The following ITIH2 variants were observed in gnomAD, a reference collection of about 807,000 sequenced individuals.
The protein encoded by ITIH2 is inter-alpha-trypsin inhibitor heavy chain H2.
ITIH2 carries 103 observed loss-of-function variants against 104.4 expected under a neutral mutation model. The ratio of observed to expected loss-of-function variants is 0.99; its 90% CI spans 0.84 to 1.16. ITIH2 has a LOEUF of 1.16. Among genes scored for constraint, ITIH2 ranks in the 50% most tolerant of loss-of-function variants. The pLI, the probability that ITIH2 is intolerant of heterozygous loss-of-function variation, is 0.00. For synonymous variants in ITIH2, 436 were observed against 435.4 expected (o/e 1.00, Z -0.02); for missense variants, 1,108 against 1,162.4 (o/e 0.95, Z 0.68).
In ITIH2 at chr10:7,744,260, G is replaced by T. The variant is rs143725175; in HGVS notation, c.2388G>T (p.Thr796=). ...SSTFSLSWSD[T]AQVTNQRVQI... is the part of the protein sequence containing the mutation. ...CATTCTCCTTGTCCTGGTCCGACAC[G>T]GCTCAAGTCACGAATCAGAGGCAAG... is the stretch of plus-strand genomic sequence containing the variant. The change falls in exon 18 of 21, where the codon ACG becomes ACT. Residue 796 remains threonine (T), a synonymous_variant. Coordinates refer to ENST00000358415, the MANE Select transcript of ITIH2 (RefSeq NM_002216.3). 3.6e-5 allele frequency: 58 copies of T among 1,613,722 alleles called. No homozygotes were observed. The highest frequency in any genetic ancestry group is 4.7e-5 in the Non-Finnish European group (56 of 1,179,868).
At chr10:7,738,373 G>A (rs559091000) in intron 15 of ITIH2, among the ~76,000 whole-genome samples, 20 of 146,264 alleles carry the variant, frequency 1.4e-4, no homozygotes, top group African/African-American at 4.8e-4. Flanking sequence ...GCCCTTCCCC[G>A]GCCCTATAAA....
chr10:7,724,634 T>C (rs1834936165), intron 9 of ITIH2, among the ~76,000 whole-genome samples: 1 of 146,366 alleles, frequency 6.8e-6, no homozygotes, highest in African/African-American at 2.5e-5. Context: ...GAAGACCCTG[T>C]CTTTCACAGA....
Position 7,749,301 on chromosome 10 carries a change from GC to G in ITIH2, c.2810del (p.Pro937LeufsTer14). On this transcript the variant is annotated frameshift_variant, in exon 21 of 21. Coordinates refer to ENST00000358415, the MANE Select transcript of ITIH2 (RefSeq NM_002216.3). LOFTEE classifies it high-confidence loss of function. ...ACGGGCATTACAAGGATTACTTCGT[GC>G]CTCAGCTCTACAGCTTTCTCAAACG... The part of the protein sequence containing the change: ...IDGHYKDYFV[P>X]QLYSFLKRP 6.2e-7 allele frequency: 1 copy of G among 1,614,150 alleles called. No homozygotes were observed.
chr10:7,735,056 C>T lies in ITIH2; in HGVS notation c.1922C>T (p.Ala641Val), dbSNP rs763144535. 5 of 1,611,870 alleles carry T rather than the reference C, an allele frequency of 3.1e-6. No homozygotes were observed. The highest frequency in any genetic ancestry group is 1.3e-5 in the African/African-American group (1 of 74,954). The change falls in exon 15 of 21, where the codon GCG becomes GTG. Residue 641 changes from alanine to valine, a missense_variant. Coordinates refer to ENST00000358415, the MANE Select transcript of ITIH2 (RefSeq NM_002216.3). ...ENEAGDERML[A>V]DAPPQDPSCC... ...GAGGCTGGGGATGAGCGCATGCTGG[C>T]GGATGCCCCACCGCAGGATCCCTCC...
intron 2 of ITIH2, among the ~76,000 whole-genome samples, chr10:7,706,685 A>G (rs1218687670): frequency 6.6e-6 from 1 of 152,214 alleles, no homozygotes. Context: ...TAGTAAAGGA[A>G]ACCGACCTAG....
At position 7,709,021 on chromosome 10, in the gene ITIH2, G is replaced by A. The variant is rs778311484; in HGVS notation, c.193-1G>A. 10 of 1,613,294 alleles carry A rather than the reference G, an allele frequency of 6.2e-6. No individual in the cohort carries two copies. The highest frequency in any genetic ancestry group is 5.5e-5 in the South Asian group (5 of 91,038). ...CAGTTATGCTTTCTTGCCAATTTCA[G>A]GAAGAGGTTGATCAAGTAACTCTTT... On this transcript the variant is annotated splice_acceptor_variant, in intron 3 of 20. Coordinates refer to ENST00000358415, the MANE Select transcript of ITIH2 (RefSeq NM_002216.3). LOFTEE classifies it high-confidence loss of function.
At chr10:7,707,648 C>T (rs1834759928) in intron 3 of ITIH2, among the ~76,000 whole-genome samples, 2 of 152,142 alleles carry the variant, frequency 1.3e-5, no homozygotes, top group South Asian at 4.1e-4. Flanking sequence ...TCACTGCAAC[C>T]TCTGCCCCCT....
chr10:7,745,445 CAA>C (rs901645753), intron 19 of ITIH2, among the ~76,000 whole-genome samples: 1 of 152,052 alleles, frequency 6.6e-6, no homozygotes, highest in African/African-American at 2.4e-5. Context: ...TCCACTAGAC[CAA>C]CCTCATGTAT....
chr10:7,735,674 CT>C (rs35122608), intron 15 of ITIH2, among the ~76,000 whole-genome samples: 22,052 of 130,114 alleles, frequency 0.17, 1,389 homozygotes, highest in East Asian at 0.38. Flanking sequence ...CTTTTCTTTT[CT>C]TTTTTTTTTT....
intron 4 of ITIH2, 91 bp downstream of exon 4, chr10:7,709,282 C>A: frequency 8.3e-7 from 1 of 1,209,884 alleles, no homozygotes; most frequent in Non-Finnish European, 1.2e-6. Flanking sequence ...TAGTGGTCAA[C>A]TGTCCCAGAG....
At position 7,727,005 on chromosome 10, in the gene ITIH2, C is replaced by A. The variant is rs146728457; in HGVS notation, c.1040C>A (p.Ser347Tyr). 1 of 1,613,988 alleles carries A rather than the reference C, an allele frequency of 6.2e-7. No homozygotes were observed. Among genetic ancestry groups the A allele is most frequent in the Non-Finnish European group, 8.5e-7 (1 of 1,179,850 alleles). Reference protein sequence around the residue: ...LDDLRAEDHFSVIDFNQNIRT... With the variant: ...LDDLRAEDHFYVIDFNQNIRT... The stretch of plus-strand genomic sequence containing the variant: ...GACCTCAGAGCAGAAGACCATTTCT[C>A]TGTGATTGATTTCAACCAGAACATT... Residue 347 changes from serine (S) to tyrosine (Y), a missense_variant, in exon 10 of 21, where the codon TCT becomes TAT. Ser to Tyr is a moderately radical substitution (Grantham distance 144, BLOSUM62 -2). Coordinates refer to ENST00000358415, the MANE Select transcript of ITIH2 (RefSeq NM_002216.3).
Position 7,731,927 on chromosome 10 carries a change from G to A in ITIH2, c.1578G>A (p.Glu526=). The change falls in exon 13 of 21, where the codon GAG becomes GAA. Residue 526 remains glutamate, a synonymous_variant. Coordinates refer to ENST00000358415, the MANE Select transcript of ITIH2 (RefSeq NM_002216.3). ...NNFHNYFGGS[E]IVVAGKFDPA... Reference sequence around the variant, plus strand: ...TCCATAACTACTTTGGAGGCTCAGAGATTGTGGTGGCAGGAAAATTTGACC... The same window carrying A: ...TCCATAACTACTTTGGAGGCTCAGAAATTGTGGTGGCAGGAAAATTTGACC... The A allele has an allele frequency of 6.2e-7, 1 of 1,614,134 alleles. No individual in the cohort carries two copies. Among genetic ancestry groups the A allele is most frequent in the South Asian group, 1.1e-5 (1 of 91,076 alleles).
At chr10:7,734,032 A>G (rs1835028264) in intron 14 of ITIH2, among the ~76,000 whole-genome samples, 1 of 152,092 alleles carries the variant, frequency 6.6e-6, no homozygotes, top group East Asian at 1.9e-4. Context: ...CTATAAAAAG[A>G]TCAGCAGTTG....
At chr10:7,745,888 G>A (rs1363890597) in intron 19 of ITIH2, among the ~76,000 whole-genome samples, 1 of 151,048 alleles carries the variant, frequency 6.6e-6, no homozygotes, top group Non-Finnish European at 1.5e-5. Context: ...CCGAGTAGCT[G>A]GGATTACAGG....
intron 16 of ITIH2, among the ~76,000 whole-genome samples, chr10:7,742,174 GTGAT>G (rs1367762578): frequency 1.3e-5 from 2 of 151,486 alleles, no homozygotes; most frequent in African/African-American, 4.8e-5. Context: ...GCCAAATTTA[GTGAT>G]TGCACATAGA....
In ITIH2 at chr10:7,738,539, A is replaced by C. The variant is rs41290293; in HGVS notation, c.1958-82A>C. On this transcript the variant is annotated intron_variant, in intron 15 of 20. Coordinates refer to ENST00000358415, the MANE Select transcript of ITIH2 (RefSeq NM_002216.3). ...CTAAGCTGACAATACCTGGGGGTGC[A>C]TAAAACAGATTCTTGACATGGTGAG... is the stretch of plus-strand genomic sequence containing the variant. 919 of 1,501,284 alleles carry C rather than the reference A, an allele frequency of 6.1e-4. 1 individual carries two copies. The highest frequency in any genetic ancestry group is 8.0e-4 in the Non-Finnish European group (867 of 1,079,796). 93.0% of individuals were successfully genotyped at this position (1,501,284 alleles called of 1,614,324 possible).
At chr10:7,726,769 C>T (rs1204778646) in intron 9 of ITIH2, among the ~76,000 whole-genome samples, 181 bp from the exon 10 acceptor site, 1 of 152,188 alleles carries the variant, frequency 6.6e-6, no homozygotes, top group Non-Finnish European at 1.5e-5. Context: ...GCCAACAGTA[C>T]ATGCCCAGAA....
chr10:7,708,990 T>C lies in ITIH2; in HGVS notation c.193-32T>C, dbSNP rs184100633. 3.8e-6 allele frequency: 6 copies of C among 1,578,526 alleles called. No homozygotes were observed. In the Admixed American group the frequency reaches 5.0e-5, roughly 13 times the overall value. On this transcript the variant is annotated intron_variant, in intron 3 of 20. Coordinates refer to ENST00000358415, the MANE Select transcript of ITIH2 (RefSeq NM_002216.3). ...GATGAAGTTCTGTGTGATTTTTCTA[T>C]CAGTACAGTTATGCTTTCTTGCCAA... is the stretch of plus-strand genomic sequence containing the variant.
chr10:7,732,055 T>C, intron 13 of ITIH2, 59 bp downstream of exon 13: 1 of 1,338,310 alleles, frequency 7.5e-7, no homozygotes, highest in Non-Finnish European at 1.1e-6. Context: ...ACAGTCCCTC[T>C]TGAATGTCAG....
Sources: allele counts gnomAD v4.1 joint callset (sites outside exome capture counted in the v4.1 genomes callset), GRCh38; gene constraint gnomAD v4.1.1; transcripts MANE v1.5; gene names NCBI Gene and HGNC (gene_info 2026-07-23, HGNC 2026-07-21).